LAMP3: variants seen among roughly 807,000 people sequenced by gnomAD.
The protein encoded by LAMP3 is lysosome associated membrane protein 3.
A neutral mutation model predicts 34.8 loss-of-function variants in LAMP3; 26 were observed. The observed-to-expected ratio is 0.75, with a 90% CI of 0.55 to 1.04. The LOEUF (loss-of-function observed/expected upper bound fraction) is 1.04. Among genes scored for constraint, LAMP3 ranks in the 50% least tolerant of loss-of-function variants. LAMP3 has a pLI of 0.00. For synonymous variants in LAMP3, 180 were observed against 201.9 expected (o/e 0.89, Z 0.92); for missense variants, 495 against 524.0 (o/e 0.94, Z 0.54).
intron 5 of LAMP3, among the ~76,000 whole-genome samples, chr3:183,128,797 C>T (rs1719844056): frequency 2.6e-5 from 4 of 152,148 alleles, no homozygotes. Flanking sequence ...CTGCCTCAGC[C>T]TCCCAAAGAG....
At chr3:183,124,433 A>G (rs1314448983) in intron 5 of LAMP3, among the ~76,000 whole-genome samples, 2 of 150,992 alleles carry the variant, frequency 1.3e-5, no homozygotes, top group African/African-American at 4.8e-5. Flanking sequence ...AAGATTAAAT[A>G]ACCATATTTT....
chr3:183,142,315 G>A (rs1373323551), intron 3 of LAMP3, among the ~76,000 whole-genome samples: 6 of 151,830 alleles, frequency 4.0e-5, no homozygotes, highest in Admixed American at 3.9e-4. Flanking sequence ...TAAATGGCTC[G>A]GGCTGCACTG....
chr3:183,162,769 A>C (rs1721017880), upstream of LAMP3: 15 of 990,410 alleles, frequency 1.5e-5, no homozygotes, highest in Admixed American at 6.5e-5. Flanking sequence ...TATGAGAAGC[A>C]GCCGAAAAGC....
In LAMP3 at chr3:183,162,055, G is replaced by A. The variant is rs549711585; in HGVS notation, c.49+552C>T. ...GAGTAACCAGGAAACTTCATCACAG[G>A]GACAACACCACAGCACCCGAGGACT... On this transcript the variant is annotated intron_variant, in intron 1 of 5. Transcript: ENST00000265598. 122 of 769,726 alleles carry A rather than the reference G, an allele frequency of 1.6e-4. No individual in the cohort carries two copies. The South Asian group carries it at 6.1e-3, about 38-fold the overall frequency. The allele number at this position is 769,726 out of a possible 1,614,324, so 47.7% of individuals were successfully genotyped here.
In LAMP3 at chr3:183,124,018, C is replaced by A; in HGVS notation, c.*63G>T. On this transcript the variant is annotated 3_prime_UTR_variant, in exon 6 of 6. Coordinates refer to ENST00000265598, the MANE Select transcript of LAMP3 (RefSeq NM_014398.4). ...ACACTCTGAGGGAATTTCCCAACATCCATCCTGGAAGGGATGAAAGAGTTC... is the reference window on the plus strand; with the variant it reads ...ACACTCTGAGGGAATTTCCCAACATACATCCTGGAAGGGATGAAAGAGTTC... 1 of 1,576,350 alleles carries A rather than the reference C, an allele frequency of 6.3e-7. No individual in the cohort carries two copies. Among genetic ancestry groups the A allele is most frequent in the African/African-American group, 1.3e-5 (1 of 74,218 alleles).
intron 3 of LAMP3, among the ~76,000 whole-genome samples, chr3:183,148,576 T>C (rs898611141): frequency 6.6e-6 from 1 of 152,198 alleles, no homozygotes; most frequent in Non-Finnish European, 1.5e-5. Flanking sequence ...TAAAATGGCA[T>C]ACAGGTCTAT....
intron 1 of LAMP3, among the ~76,000 whole-genome samples, chr3:183,155,739 G>A (rs1720803742): frequency 6.6e-6 from 1 of 152,212 alleles, no homozygotes; most frequent in Non-Finnish European, 1.5e-5. Context: ...TAAGAGCACC[G>A]TGAAGGTGGA....
chr3:183,146,468 C>T (rs1720441905), intron 3 of LAMP3, among the ~76,000 whole-genome samples: 1 of 152,052 alleles, frequency 6.6e-6, no homozygotes, highest in South Asian at 2.1e-4. Context: ...GGTCAGAATC[C>T]ACAGGCCAAA....
At chr3:183,154,433 T>A in intron 1 of LAMP3, 42 bp from the exon 2 acceptor site, 1 of 1,447,452 alleles carries the variant, frequency 6.9e-7, no homozygotes, top group Non-Finnish European at 9.4e-7. Flanking sequence ...ACTAACCGAT[T>A]GCTTACAAGG....
chr3:183,156,569 C>T (rs925584525), intron 1 of LAMP3, among the ~76,000 whole-genome samples: 2 of 152,140 alleles, frequency 1.3e-5, no homozygotes, highest in African/African-American at 4.8e-5. Context: ...AGTTCATACC[C>T]AGTAAAAATA....
In LAMP3 at chr3:183,152,443, A is replaced by T. The variant is rs1389657240; in HGVS notation, c.820T>A (p.Cys274Ser). The T allele has an allele frequency of 6.2e-7, 1 of 1,613,042 alleles. No homozygotes were observed. The highest frequency in any genetic ancestry group is 8.5e-7 in the Non-Finnish European group (1 of 1,179,600). Residue 274 changes from cysteine (C) to serine (S), a missense_variant, in exon 3 of 6, where the codon TGT (cysteine) becomes AGT (serine). By Grantham distance (112) the Cys-to-Ser change is moderately radical. Coordinates refer to ENST00000265598, the MANE Select transcript of LAMP3 (RefSeq NM_014398.4). ...DPNATQASGNCGTRKSNLLLN... is the reference protein window; with the variant it reads ...DPNATQASGNSGTRKSNLLLN... ...AGAAGGTTGGATTTTCGGGTGCCACAGTTCCCAGAGGCTTGCGTTGCGTTG... is the reference window on the plus strand; with the variant it reads ...AGAAGGTTGGATTTTCGGGTGCCACTGTTCCCAGAGGCTTGCGTTGCGTTG...
At chr3:183,134,054 C>T (rs1426424604) in intron 5 of LAMP3, among the ~76,000 whole-genome samples, 2 of 152,322 alleles carry the variant, frequency 1.3e-5, no homozygotes, top group East Asian at 1.9e-4. Flanking sequence ...TCTTTTCCCC[C>T]TTCTCTTACT....
Position 183,124,298 on chromosome 3 carries a change from C to T in LAMP3, c.1118-84G>A. 3 of 1,255,216 alleles carry T rather than the reference C, an allele frequency of 2.4e-6. No individual in the cohort carries two copies. In the South Asian group the frequency reaches 5.8e-5, roughly 24 times the overall value. The allele number at this position is 1,255,216 out of a possible 1,614,324, so 77.8% of individuals were successfully genotyped here. ...CAGGCTAGAGGGGAAAGAAGATGAG[C>T]TTTGGCATCAAACAAAGCTTGACTT... On this transcript the variant is annotated intron_variant, in intron 5 of 5. Transcript: ENST00000265598.
At chr3:183,148,563 A>G (rs1275128553) in intron 3 of LAMP3, among the ~76,000 whole-genome samples, 1 of 152,262 alleles carries the variant, frequency 6.6e-6, no homozygotes, top group Non-Finnish European at 1.5e-5. Context: ...TCAAAAGAAG[A>G]CATAAAATGG....
At position 183,132,740 on chromosome 3, in the gene LAMP3, A is replaced by G. The variant is rs1303787227; in HGVS notation, c.1117+2977T>C. The G allele has an allele frequency of 1.6e-5, 16 of 985,314 alleles. 1 individual carries two copies. The highest frequency in any genetic ancestry group is 9.4e-5 in the South Asian group (2 of 21,292). The allele number at this position is 985,314 out of a possible 1,614,324, so 61.0% of individuals were successfully genotyped here. A position where few individuals can be genotyped will look rare whatever the true frequency, so the allele number is the denominator to read the frequency against. On this transcript the variant is annotated intron_variant, in intron 5 of 5. Coordinates refer to ENST00000265598, the MANE Select transcript of LAMP3 (RefSeq NM_014398.4). ...GTGCAACAGGCAACGAGACAGGTCA[A>G]TCCTTTCACTTCAGGCTGAATATGA...
intron 1 of LAMP3, 149 bp downstream of exon 1, chr3:183,162,458 G>A (rs1721005387): frequency 2.5e-6 from 2 of 787,080 alleles, no homozygotes; most frequent in South Asian, 1.5e-5. Flanking sequence ...AGTAACTCAC[G>A]GAAAACAAGT....
chr3:183,162,177 C>A (rs1720998300), intron 1 of LAMP3, among the ~76,000 whole-genome samples: 1 of 149,606 alleles, frequency 6.7e-6, no homozygotes, highest in East Asian at 2.0e-4. Flanking sequence ...ATGGGAAGTA[C>A]AATGATCATT....
chr3:183,161,117 G>T (rs995739201), intron 1 of LAMP3, among the ~76,000 whole-genome samples: 7 of 152,204 alleles, frequency 4.6e-5, no homozygotes, highest in Non-Finnish European at 1.0e-4. Context: ...ACTCCTAGCA[G>T]AGGATATTAT....
chr3:183,162,189 A>T (rs564051392), intron 1 of LAMP3, among the ~76,000 whole-genome samples: 57 of 121,880 alleles, frequency 4.7e-4, no homozygotes, highest in African/African-American at 1.3e-3. Context: ...ATGATCATTT[A>T]AAAAAAAAAA....
Sources: gnomAD v4.1 joint callset for allele counts (sites outside exome capture counted in the v4.1 genomes callset) on GRCh38, gnomAD v4.1.1 for gene constraint, MANE v1.5 for transcripts, NCBI Gene and HGNC (gene_info 2026-07-23, HGNC 2026-07-21) for gene names.